RPS6KA3: variants seen among roughly 807,000 people sequenced by gnomAD.
The protein encoded by RPS6KA3 is ribosomal protein S6 kinase alpha-3.
A neutral mutation model predicts 67.2 loss-of-function variants in RPS6KA3; 4 were observed. The ratio of observed to expected loss-of-function variants is 0.06; its 90% CI spans 0.03 to 0.14. The LOEUF (loss-of-function observed/expected upper bound fraction) is 0.14, where lower values mean the gene tolerates loss of function less well. RPS6KA3 is among the 10% of genes least tolerant of loss of function. RPS6KA3 has a pLI of 1.00. For missense variants in RPS6KA3, 204 were observed against 559.0 expected, an observed-to-expected ratio of 0.36 and a Z score of 6.40; for synonymous variants, 182 against 183.7, an observed-to-expected ratio of 0.99 and a Z score of 0.07.
intron 10 of RPS6KA3, among the ~76,000 whole-genome samples, chrX:20,184,309 A>G (rs776510821): frequency 1.8e-5 from 2 of 111,772 alleles, no homozygotes; most frequent in South Asian, 3.7e-4. Flanking sequence ...TTGGCCTCCC[A>G]AAGTGCTGGG....
rs1041030923 is a variant in RPS6KA3 at position 20,218,916 on chromosome X, A to G, written c.127-9512T>C. 8.1e-6 allele frequency: 7 copies of G among 859,826 alleles called. No individual in the cohort carries two copies. In the African/African-American group the frequency reaches 1.4e-4, roughly 17 times the overall value. The allele number at this position is 859,826 out of a possible 1,213,427, so 70.9% of individuals were successfully genotyped here. A position where few individuals can be genotyped will look rare whatever the true frequency, so the allele number is the denominator to read the frequency against. The stretch of plus-strand genomic sequence containing the variant: ...TAGAAAGGGAAGGCCAAGCCCCTGC[A>G]AAGTTTTCTCCTACCAGCTGTTCCG... On this transcript the variant is annotated intron_variant, in intron 2 of 21. Transcript: ENST00000379565.
At chrX:20,224,280 C>A (rs2069056596) in intron 2 of RPS6KA3, among the ~76,000 whole-genome samples, 1 of 110,990 alleles carries the variant, frequency 9.0e-6, no homozygotes, top group Non-Finnish European at 1.9e-5. Flanking sequence ...GGTAAAAAAA[C>A]AGGAGGTGCT....
At chrX:20,216,725 C>A (rs1459253625) in intron 2 of RPS6KA3, among the ~76,000 whole-genome samples, 1 of 110,686 alleles carries the variant, frequency 9.0e-6, no homozygotes. Context: ...AGTACAAAGG[C>A]CACAGCAGGA....
chrX:20,234,276 G>T (rs771762358), intron 2 of RPS6KA3, among the ~76,000 whole-genome samples: 4 of 111,936 alleles, frequency 3.6e-5, no homozygotes, highest in African/African-American at 1.3e-4. Context: ...AGACCAGCCT[G>T]GCCAACTTGG....
Position 20,177,039 on chromosome X carries a change from A to G in RPS6KA3, c.891T>C (p.Ser297=). The change falls in exon 11 of 22, where the codon AGT becomes AGC. Residue 297 remains serine (S), a synonymous_variant. Transcript: ENST00000379565. Reference sequence around the variant, plus strand: ...TTCGCTTGAAAAGCATTCGTAAAAGACTCTGCGCTTCAGGACTCAAAAACT... The same window carrying G: ...TTCGCTTGAAAAGCATTCGTAAAAGGCTCTGCGCTTCAGGACTCAAAAACT... ...MPQFLSPEAQ[S]LLRMLFKRNP... 8.3e-7 allele frequency: 1 copy of G among 1,207,952 alleles called. No individual in the cohort carries two copies. The highest frequency in any genetic ancestry group is 1.1e-6 in the Non-Finnish European group (1 of 892,197).
chrX:20,180,100 CTT>C lies in RPS6KA3; in HGVS notation c.846-3018_846-3017del, dbSNP rs774886359. ...CAAGACCTCATCTCCAAAATTTAAACTTTTTTTTTTTTTTTTAAAAGAAAAGC... is the reference window on the plus strand; with the variant it reads ...CAAGACCTCATCTCCAAAATTTAAACTTTTTTTTTTTTTTAAAAGAAAAGC... On this transcript the variant is annotated intron_variant, in intron 10 of 21. Coordinates refer to ENST00000379565, the MANE Select transcript of RPS6KA3 (RefSeq NM_004586.3). 1.1e-3 allele frequency among the ~76,000 whole-genome samples: 107 copies of C among 98,561 alleles called. 1 individual carries two copies. The highest frequency in any genetic ancestry group is 3.5e-3 in the African/African-American group (95 of 27,316). The allele number at this position is 98,561 out of a possible 115,157, so 85.6% of individuals were successfully genotyped here.
intron 16 of RPS6KA3, 30 bp downstream of exon 16, chrX:20,169,372 C>G: frequency 1.1e-6 from 1 of 889,819 alleles, no homozygotes; most frequent in South Asian, 2.0e-5. Context: ...ACAACTGATT[C>G]AAATGATCCA....
chrX:20,176,247 T>C lies in RPS6KA3; in HGVS notation c.1102+3A>G. The stretch of plus-strand genomic sequence containing the variant: ...TATTTGGATTTTCACATTTTCTCCT[T>C]ACCTTTGGGAGTTTTTGCAGTAAAC... On this transcript the variant is annotated splice_donor_region_variant and intron_variant, in intron 13 of 21. Coordinates refer to ENST00000379565, the MANE Select transcript of RPS6KA3 (RefSeq NM_004586.3). The C allele has an allele frequency of 9.3e-7, 1 of 1,075,339 alleles. No individual in the cohort carries two copies. The highest frequency in any genetic ancestry group is 1.8e-5 in the South Asian group (1 of 54,113). 88.6% of individuals were successfully genotyped at this position (1,075,339 alleles called of 1,213,427 possible). A position where few individuals can be genotyped will look rare whatever the true frequency, so the allele number is the denominator to read the frequency against.
At chrX:20,180,100 CT>C (rs774886359) in intron 10 of RPS6KA3, among the ~76,000 whole-genome samples, 4,431 of 98,110 alleles carry the variant, frequency 0.045, 90 homozygotes, top group African/African-American at 0.074. Context: ...AAAATTTAAA[CT>C]TTTTTTTTTT....
chrX:20,188,304 G>A (rs905359925), intron 8 of RPS6KA3, among the ~76,000 whole-genome samples, 193 bp downstream of exon 8: 2 of 111,164 alleles, frequency 1.8e-5, no homozygotes, highest in African/African-American at 6.5e-5. Flanking sequence ...TTGAATTCCC[G>A]ACCTCAAGTG....
chrX:20,265,502 G>C (rs112683102), intron 1 of RPS6KA3: 1 of 112,200 alleles, frequency 8.9e-6, no homozygotes, highest in African/African-American at 3.3e-5. Flanking sequence ...CACTCACTCA[G>C]TAACTATTAC....
At chrX:20,166,556 A>G (rs1329630202) in intron 17 of RPS6KA3, among the ~76,000 whole-genome samples, 1 of 110,971 alleles carries the variant, frequency 9.0e-6, no homozygotes, top group African/African-American at 3.3e-5. Flanking sequence ...TCAAAACATC[A>G]TGTTGTATAC....
chrX:20,191,618 C>G (rs776087724), intron 7 of RPS6KA3, among the ~76,000 whole-genome samples: 1 of 105,602 alleles, frequency 9.5e-6, no homozygotes, highest in Admixed American at 1.0e-4. Flanking sequence ...TCTCTAATGA[C>G]CAGGGATGAT....
At chrX:20,200,695 A>T (rs2068406239) in intron 4 of RPS6KA3, among the ~76,000 whole-genome samples, 1 of 111,433 alleles carries the variant, frequency 9.0e-6, no homozygotes, top group South Asian at 3.7e-4. Context: ...TCCTTATTAA[A>T]AAAAATTTTT....
intron 2 of RPS6KA3, among the ~76,000 whole-genome samples, chrX:20,234,391 T>C (rs1299400866): frequency 9.0e-6 from 1 of 111,521 alleles, no homozygotes; most frequent in East Asian, 2.8e-4. Flanking sequence ...AGGAGAATCC[T>C]GTGAACCCAG....
At chrX:20,260,907 G>T (rs2070208223) in intron 1 of RPS6KA3, among the ~76,000 whole-genome samples, 1 of 111,815 alleles carries the variant, frequency 8.9e-6, no homozygotes, top group South Asian at 3.7e-4. Flanking sequence ...GGTCTTTATG[G>T]CTCCAGAGCT....
chrX:20,263,127 ATATAACACATTTC>A (rs941330976), intron 1 of RPS6KA3, among the ~76,000 whole-genome samples: 6 of 112,277 alleles, frequency 5.3e-5, no homozygotes, highest in African/African-American at 1.9e-4. Context: ...TGGCTATTTT[ATATAACACATTTC>A]TATAAAACAA....
chrX:20,156,250 C>T lies in RPS6KA3; in HGVS notation c.1960-1G>A. 1 of 1,208,596 alleles carries T rather than the reference C, an allele frequency of 8.3e-7. No homozygotes were observed. Among genetic ancestry groups the T allele is most frequent in the Non-Finnish European group, 1.1e-6 (1 of 892,983 alleles). On this transcript the variant is annotated splice_acceptor_variant, in intron 20 of 21. Coordinates refer to ENST00000379565, the MANE Select transcript of RPS6KA3 (RefSeq NM_004586.3). LOFTEE classifies it high-confidence loss of function. ...CATGAAGCATCTTTGACACCAGGTC[C>T]TGTAATGGGAATAATAAAACAAGCT...
At chrX:20,264,648 T>C (rs1312099669) in intron 1 of RPS6KA3, among the ~76,000 whole-genome samples, 2 of 111,572 alleles carry the variant, frequency 1.8e-5, no homozygotes, top group Non-Finnish European at 3.8e-5. Flanking sequence ...TGGTGCTAAA[T>C]AAATATGTTT....
Sources: allele counts gnomAD v4.1 joint callset (sites outside exome capture counted in the v4.1 genomes callset), GRCh38; gene constraint gnomAD v4.1.1; transcripts MANE v1.5; gene names NCBI Gene and HGNC (gene_info 2026-07-23, HGNC 2026-07-21).